Variants in TMEM132C observed in about 807,000 individuals in gnomAD.
TMEM132C encodes the protein transmembrane protein 132C.
In TMEM132C, 29 loss-of-function variants were observed where a neutral mutation model predicts 61.4. That is an observed-to-expected ratio of 0.47 (90% CI 0.35 to 0.64). TMEM132C has a LOEUF of 0.64. Among genes scored for constraint, TMEM132C ranks in the 30% least tolerant of loss-of-function variants. The pLI is 0.00. For synonymous variants in TMEM132C, 656 were observed against 633.1 expected (o/e 1.04, Z -0.54); for missense variants, 1,408 against 1,476.9 (o/e 0.95, Z 0.76).
chr12:128,666,079 GCA>G (rs58554620), intron 4 of TMEM132C, among the ~76,000 whole-genome samples: 1 of 100,908 alleles, frequency 9.9e-6, no homozygotes. Flanking sequence ...AAACACACAG[GCA>G]CACACACACA....
At chr12:128,638,022 C>A (rs996381284) in intron 4 of TMEM132C, among the ~76,000 whole-genome samples, 5 of 152,182 alleles carry the variant, frequency 3.3e-5, no homozygotes, top group Admixed American at 1.3e-4. Flanking sequence ...CTTTCATTTT[C>A]TGCAAAACCT....
intron 2 of TMEM132C, among the ~76,000 whole-genome samples, chr12:128,480,036 T>C (rs1871271951): frequency 6.6e-6 from 1 of 152,148 alleles, no homozygotes; most frequent in Non-Finnish European, 1.5e-5. Flanking sequence ...TGTGGGAAGA[T>C]TGCTTGAGCC....
chr12:128,329,921 G>T (rs775684675), intron 1 of TMEM132C, among the ~76,000 whole-genome samples: 7 of 152,216 alleles, frequency 4.6e-5, no homozygotes, highest in Admixed American at 1.3e-4. Flanking sequence ...AAATACGGCT[G>T]CGAGGAAGTT....
intron 5 of TMEM132C, among the ~76,000 whole-genome samples, chr12:128,678,743 C>T (rs999620264): frequency 6.6e-6 from 1 of 152,186 alleles, no homozygotes. Flanking sequence ...GTTAAGGACG[C>T]TGCTTGTACA....
intron 3 of TMEM132C, among the ~76,000 whole-genome samples, chr12:128,581,824 G>T (rs1205320303): frequency 6.6e-6 from 1 of 152,208 alleles, no homozygotes; most frequent in Admixed American, 6.5e-5. Flanking sequence ...ATGTATTGGG[G>T]GTGATGTATA....
Position 128,684,076 on chromosome 12 carries a change from A to C in TMEM132C, c.1450-9753A>C, listed in dbSNP as rs1021972992. On this transcript the variant is annotated intron_variant, in intron 5 of 8. Coordinates refer to ENST00000435159, the MANE Select transcript of TMEM132C (RefSeq NM_001136103.3). ...CCCCCATATCTCCGGCCTAAACGTC[A>C]CCTCACGAGAGAGGTCTCTGCACCA... Among the ~76,000 whole-genome samples, 4 of 152,184 alleles carry C rather than the reference A, an allele frequency of 2.6e-5. 1 individual carries two copies. The South Asian group carries it at 8.3e-4, about 32-fold the overall frequency.
intron 4 of TMEM132C, among the ~76,000 whole-genome samples, chr12:128,625,771 A>T (rs1398959533): frequency 6.6e-6 from 1 of 152,210 alleles, no homozygotes; most frequent in Non-Finnish European, 1.5e-5. Context: ...CAGCCAAACC[A>T]TATCAGACAC....
intron 3 of TMEM132C, among the ~76,000 whole-genome samples, chr12:128,569,115 G>A (rs1037277267): frequency 2.0e-5 from 3 of 152,066 alleles, no homozygotes; most frequent in Admixed American, 6.6e-5. Context: ...GAGTTGGAGC[G>A]GTCAACCCAG....
In TMEM132C at chr12:128,705,662, C is replaced by T. The variant is rs951252351; in HGVS notation, c.2694C>T (p.His898=). Residue 898 remains histidine, a synonymous_variant, in exon 9 of 9, where the codon CAC becomes CAT. Transcript: ENST00000435159. The stretch of plus-strand genomic sequence containing the variant: ...TTGACTTCACCAACTTCCCTGCCCA[C>T]GTGGACCTCCCCAAGGCCGGGAGTG... ...IPIDFTNFPA[H]VDLPKAGSGL... is the part of the protein sequence containing the mutation. 17 of 1,551,288 alleles carry T rather than the reference C, an allele frequency of 1.1e-5. No individual in the cohort carries two copies. Among genetic ancestry groups the T allele is most frequent in the East Asian group, 9.8e-5 (4 of 40,898 alleles).
chr12:128,327,113 G>A (rs978830152), intron 1 of TMEM132C, among the ~76,000 whole-genome samples: 2 of 150,048 alleles, frequency 1.3e-5, no homozygotes, highest in Non-Finnish European at 2.9e-5. Flanking sequence ...GACCCAGATG[G>A]AGTGATTTTA....
intron 2 of TMEM132C, among the ~76,000 whole-genome samples, chr12:128,534,772 C>T (rs1873457818): frequency 6.6e-6 from 1 of 152,244 alleles, no homozygotes; most frequent in Non-Finnish European, 1.5e-5. Context: ...GAAGAAAATG[C>T]CCGATTAACA....
rs1306700528 is a variant in TMEM132C, at chr12:128,389,331, G to A, written c.86-25401G>A. ...AAGATCATTTTGGAGATAGCAGGAG[G>A]AGCCATGAAGACAGTGCAGTGGAGG... On this transcript the variant is annotated intron_variant, in intron 1 of 8. Transcript: ENST00000435159. 3.3e-5 allele frequency among the ~76,000 whole-genome samples: 5 copies of A among 152,172 alleles called. No homozygotes were observed. In the South Asian group the frequency reaches 1.0e-3, roughly 32 times the overall value.
intron 1 of TMEM132C, among the ~76,000 whole-genome samples, chr12:128,369,881 G>A (rs1873979025): frequency 1.3e-5 from 2 of 152,164 alleles, no homozygotes; most frequent in African/African-American, 4.8e-5. Context: ...TCATATATGA[G>A]CCTAAATTAG....
At position 128,705,470 on chromosome 12, in the gene TMEM132C, A is replaced by G; in HGVS notation, c.2502A>G (p.Thr834=). The stretch of plus-strand genomic sequence containing the variant: ...AGAAGGGCCAGCACCATGAGCGCAC[A>G]GGCCAAGATGGGCACCTCTATGGCA... The part of the protein sequence containing the change: ...RRQKGQHHER[T]GQDGHLYGSS... The change falls in exon 9 of 9, where the codon ACA becomes ACG. Residue 834 remains threonine (T), a synonymous_variant. Transcript: ENST00000435159. 6.4e-7 allele frequency: 1 copy of G among 1,550,916 alleles called. No homozygotes were observed. The highest frequency in any genetic ancestry group is 8.7e-7 in the Non-Finnish European group (1 of 1,146,732).
chr12:128,685,112 C>T (rs777045776), intron 5 of TMEM132C, among the ~76,000 whole-genome samples: 42 of 152,312 alleles, frequency 2.8e-4, no homozygotes, highest in Middle Eastern at 3.4e-3. Flanking sequence ...GCTCAGGGCT[C>T]TGCCAATCCC....
At chr12:128,381,143 C>G (rs1874384585) in intron 1 of TMEM132C, among the ~76,000 whole-genome samples, 1 of 152,232 alleles carries the variant, frequency 6.6e-6, no homozygotes, top group Admixed American at 6.5e-5. Context: ...GTGGCTGAAG[C>G]AGGACAGTAC....
chr12:128,672,203 C>A (rs575902105), intron 5 of TMEM132C, among the ~76,000 whole-genome samples: 29 of 152,066 alleles, frequency 1.9e-4, no homozygotes, highest in African/African-American at 6.8e-4. Context: ...CGAAACTAGC[C>A]CCATTTCCAG....
intron 2 of TMEM132C, among the ~76,000 whole-genome samples, chr12:128,506,419 TGTGG>T (rs1371094181): frequency 6.6e-6 from 1 of 152,156 alleles, no homozygotes. Context: ...AGACCAAAGA[TGTGG>T]AGGAGTAGAT....
intron 1 of TMEM132C, among the ~76,000 whole-genome samples, chr12:128,316,690 T>C (rs1194603234): frequency 6.6e-6 from 1 of 152,234 alleles, no homozygotes; most frequent in Non-Finnish European, 1.5e-5. Flanking sequence ...CTCTGTCCCA[T>C]TATTTTTAAC....
Sources: gnomAD v4.1 joint callset for allele counts (sites outside exome capture counted in the v4.1 genomes callset) on GRCh38, gnomAD v4.1.1 for gene constraint, MANE v1.5 for transcripts, NCBI Gene and HGNC (gene_info 2026-07-23, HGNC 2026-07-21) for gene names.